Variants in SLC39A11 observed in about 807,000 individuals in gnomAD.
SLC39A11 encodes zinc transporter ZIP11.
SLC39A11 carries 33 observed loss-of-function variants against 36.1 expected under a neutral mutation model. The observed-to-expected ratio is 0.91, with a 90% CI of 0.69 to 1.22. The LOEUF (loss-of-function observed/expected upper bound fraction) is 1.22. SLC39A11 is among the 50% of genes most tolerant of loss of function. The pLI, the probability that SLC39A11 is intolerant of heterozygous loss-of-function variation, is 0.00. For synonymous variants in SLC39A11, 166 were observed against 170.3 expected, an observed-to-expected ratio of 0.97 and a Z score of 0.20; for missense variants, 432 against 430.3, an observed-to-expected ratio of 1.00 and a Z score of -0.03.
chr17:73,007,095 G>A (rs1193411593), intron 4 of SLC39A11, among the ~76,000 whole-genome samples: 5 of 152,144 alleles, frequency 3.3e-5, no homozygotes, highest in South Asian at 2.1e-4. Context: ...CACGCAGCAC[G>A]GCGCTCAGTC....
intron 3 of SLC39A11, among the ~76,000 whole-genome samples, chr17:73,062,817 C>G (rs1190254136): frequency 6.6e-6 from 1 of 152,060 alleles, no homozygotes; most frequent in East Asian, 1.9e-4. Context: ...ATAAGGAGAC[C>G]GTAACCTAGA....
At chr17:73,031,278 A>G (rs769143893) in intron 4 of SLC39A11, among the ~76,000 whole-genome samples, 14 of 152,230 alleles carry the variant, frequency 9.2e-5, no homozygotes, top group Admixed American at 6.5e-4. Flanking sequence ...TCATATATAT[A>G]CAGTGCCACC....
chr17:72,697,350 T>G (rs2072354164), intron 7 of SLC39A11, among the ~76,000 whole-genome samples: 1 of 152,240 alleles, frequency 6.6e-6, no homozygotes, highest in African/African-American at 2.4e-5. Context: ...CCCAAAGTGC[T>G]GGGATTACAG....
At chr17:72,768,824 G>C (rs954532730) in intron 6 of SLC39A11, among the ~76,000 whole-genome samples, 1 of 150,768 alleles carries the variant, frequency 6.6e-6, no homozygotes, top group Non-Finnish European at 1.5e-5. Context: ...GCAGTGGTGT[G>C]ATCTCGGCTC....
chr17:72,878,045 C>T (rs1047468675), intron 5 of SLC39A11, among the ~76,000 whole-genome samples: 1 of 144,800 alleles, frequency 6.9e-6, no homozygotes, highest in Non-Finnish European at 1.5e-5. Context: ...GTTCAATTCC[C>T]GCCTATGAGT....
At chr17:72,967,210 T>C (rs2087053005) in intron 4 of SLC39A11, among the ~76,000 whole-genome samples, 1 of 152,190 alleles carries the variant, frequency 6.6e-6, no homozygotes, top group African/African-American at 2.4e-5. Flanking sequence ...GCTTGAATCA[T>C]CCCACAACCA....
At chr17:72,967,719 T>G (rs1031924238) in intron 4 of SLC39A11, among the ~76,000 whole-genome samples, 1 of 152,168 alleles carries the variant, frequency 6.6e-6, no homozygotes, top group Admixed American at 6.5e-5. Context: ...GCTGGAGCAA[T>G]GCACAAAGCA....
At chr17:72,675,607 C>T (rs781364712) in intron 7 of SLC39A11, among the ~76,000 whole-genome samples, 35 of 152,308 alleles carry the variant, frequency 2.3e-4, no homozygotes, top group Non-Finnish European at 4.3e-4. Context: ...CTGGGAGTCC[C>T]AGCAAACTGG....
At chr17:72,799,286 G>C (rs140159748) in intron 6 of SLC39A11, among the ~76,000 whole-genome samples, 4,823 of 152,050 alleles carry the variant, frequency 0.032, 243 homozygotes, top group African/African-American at 0.11. Context: ...TGTCACCTCG[G>C]GACCACTGTG....
At chr17:72,674,147 C>T (rs755338226) in intron 7 of SLC39A11, among the ~76,000 whole-genome samples, 3 of 152,118 alleles carry the variant, frequency 2.0e-5, no homozygotes, top group Non-Finnish European at 2.9e-5. Flanking sequence ...ACCCCTACTC[C>T]CTCCTTCCCT....
At chr17:72,785,024 T>A (rs1228849752) in intron 6 of SLC39A11, among the ~76,000 whole-genome samples, 1 of 152,052 alleles carries the variant, frequency 6.6e-6, no homozygotes, top group Admixed American at 6.6e-5. Context: ...TGCGCCCCCA[T>A]GCTTGGCTAA....
chr17:73,026,979 G>A (rs569914606), intron 4 of SLC39A11, among the ~76,000 whole-genome samples: 8 of 152,090 alleles, frequency 5.3e-5, no homozygotes, highest in East Asian at 1.9e-4. Context: ...AAAATTAGCC[G>A]GGCATGGTAG....
intron 5 of SLC39A11, among the ~76,000 whole-genome samples, chr17:72,934,230 G>C (rs1228782902): frequency 1.3e-5 from 2 of 152,056 alleles, no homozygotes; most frequent in Non-Finnish European, 2.9e-5. Flanking sequence ...AAGAAAAACT[G>C]ATAAATTGGC....
intron 5 of SLC39A11, among the ~76,000 whole-genome samples, chr17:72,925,994 C>T (rs2084027909): frequency 6.6e-6 from 1 of 152,218 alleles, no homozygotes; most frequent in Admixed American, 6.5e-5. Flanking sequence ...ACCCAGACAA[C>T]TGAAATCAAT....
chr17:73,065,783 T>C (rs1306281003), intron 3 of SLC39A11, among the ~76,000 whole-genome samples: 1 of 152,226 alleles, frequency 6.6e-6, no homozygotes. Context: ...TAGGCTTAAC[T>C]GGGGCTTCAA....
At chr17:72,980,214 T>C (rs919139568) in intron 4 of SLC39A11, among the ~76,000 whole-genome samples, 1 of 152,084 alleles carries the variant, frequency 6.6e-6, no homozygotes, top group Non-Finnish European at 1.5e-5. Context: ...ACAAAATTAG[T>C]GGTGGCTCAA....
At chr17:72,962,896 G>A (rs2954862) in intron 4 of SLC39A11, among the ~76,000 whole-genome samples, 47,224 of 152,002 alleles carry the variant, frequency 0.31, 8,568 homozygotes, top group East Asian at 0.83. Flanking sequence ...TAAAGAGCTG[G>A]CTATATGACT....
At chr17:72,930,847 G>A (rs1051249772) in intron 5 of SLC39A11, among the ~76,000 whole-genome samples, 1 of 152,218 alleles carries the variant, frequency 6.6e-6, no homozygotes, top group African/African-American at 2.4e-5. Flanking sequence ...ACCAAGCCTA[G>A]AGGAGAACTT....
chr17:72,982,692 CT>C (rs57615096), intron 4 of SLC39A11, among the ~76,000 whole-genome samples: 64 of 147,064 alleles, frequency 4.4e-4, no homozygotes, highest in Admixed American at 6.8e-4. Flanking sequence ...GTTGCCAAGT[CT>C]TTTTTTTTTT....
Sources: allele counts gnomAD v4.1 joint callset (sites outside exome capture counted in the v4.1 genomes callset), GRCh38; gene constraint gnomAD v4.1.1; transcripts MANE v1.5; gene names NCBI Gene and HGNC (gene_info 2026-07-23, HGNC 2026-07-21).